SLC25A17: variants seen among roughly 807,000 people sequenced by gnomAD.
SLC25A17 encodes the protein solute carrier family 25 member 17, also known as peroxisomal membrane protein PMP34.
Under a neutral mutation model 38.5 loss-of-function variants are expected in SLC25A17, and 26 were observed. That is an observed-to-expected ratio of 0.68 (90% CI 0.50 to 0.94). The LOEUF is 0.94. SLC25A17 is among the 40% of genes least tolerant of loss of function. The pLI is 0.00. For missense variants in SLC25A17, 333 were observed against 372.7 expected, an observed-to-expected ratio of 0.89 and a Z score of 0.88; for synonymous variants, 139 against 136.2, an observed-to-expected ratio of 1.02 and a Z score of -0.14.
At position 40,805,059 on chromosome 22, in the gene SLC25A17, G is replaced by C. The variant is rs147105220; in HGVS notation, c.55-5976C>G. ...GTTCTGAACAAAGCATTATTGGCTG[G>C]GAGCAGTGGCTCACGCCTGTAATCC... On this transcript the variant is annotated intron_variant, in intron 1 of 8. Transcript: ENST00000435456. Among the ~76,000 whole-genome samples the C allele has an allele frequency of 2.7e-4, 41 of 152,346 alleles. No individual in the cohort carries two copies. In the Middle Eastern group the frequency reaches 0.01, roughly 38 times the overall value.
At chr22:40,793,920 A>G (rs2057405402) in intron 3 of SLC25A17, among the ~76,000 whole-genome samples, 1 of 152,192 alleles carries the variant, frequency 6.6e-6, no homozygotes, top group Admixed American at 6.5e-5. Context: ...TGTCAGTGTC[A>G]TGGGGCTAAA....
In SLC25A17 at chr22:40,799,078, G is replaced by T. The variant is rs117487309; in HGVS notation, c.60C>A (p.Ser20Arg). 1 of 1,612,004 alleles carries T rather than the reference G, an allele frequency of 6.2e-7. No individual in the cohort carries two copies. Among genetic ancestry groups the T allele is most frequent in the African/African-American group, 1.3e-5 (1 of 74,800 alleles). Residue 20 changes from serine to arginine, a missense_variant, in exon 2 of 9, where the codon AGC (serine) becomes AGA (arginine). Transcript: ENST00000435456. Reference sequence around the variant, plus strand: ...GAAAAAACACTGTCATTGCTGTCACGCTTCCCTGAAAAGTTTGAAAAAGGC... The same window carrying T: ...GAAAAAACACTGTCATTGCTGTCACTCTTCCCTGAAAAGTTTGAAAAAGGC... ...LVHAVAGAVGSVTAMTVFFPL... is the reference protein window; with the variant it reads ...LVHAVAGAVGRVTAMTVFFPL...
Position 40,790,290 on chromosome 22 carries a change from A to C in SLC25A17, c.334+2235T>G, listed in dbSNP as rs563261067. Among the ~76,000 whole-genome samples, 5 of 148,988 alleles carry C rather than the reference A, an allele frequency of 3.4e-5. No individual in the cohort carries two copies. In the East Asian group the frequency reaches 9.8e-4, roughly 29 times the overall value. ...CAGGAGGTGGAGGTTGCAGCAATCC[A>C]AGATTATGCCACTGCACTCCAGCCT... On this transcript the variant is annotated intron_variant, in intron 4 of 8. Coordinates refer to ENST00000435456, the MANE Select transcript of SLC25A17 (RefSeq NM_006358.4).
intron 4 of SLC25A17, among the ~76,000 whole-genome samples, chr22:40,786,373 G>A (rs998224779): frequency 1.3e-5 from 2 of 152,022 alleles, no homozygotes; most frequent in Admixed American, 1.3e-4. Flanking sequence ...GATGGTGGCT[G>A]GGACTGAGGT....
At position 40,779,046 on chromosome 22, in the gene SLC25A17, A is replaced by C. The variant is rs779021772; in HGVS notation, c.414T>G (p.Asn138Lys). 7.4e-6 allele frequency: 12 copies of C among 1,614,100 alleles called. No homozygotes were observed. Reference sequence around the variant, plus strand: ...TGTAGTTTGTTGGTACAATGTCTTCATTCCTAAATTTTGCTCCTTGAAGCT... The same window carrying C: ...TGTAGTTTGTTGGTACAATGTCTTCCTTCCTAAATTTTGCTCCTTGAAGCT... ...RLKLQGAKFRNEDIVPTNYKG... is the reference protein window; with the variant it reads ...RLKLQGAKFRKEDIVPTNYKG... The change falls in exon 5 of 9, where the codon AAT becomes AAG. Residue 138 changes from asparagine to lysine, a missense_variant. Physicochemically the swap from Asn to Lys is moderately conservative, Grantham distance 94. Transcript: ENST00000435456.
chr22:40,786,768 G>C (rs2057342194), intron 4 of SLC25A17, among the ~76,000 whole-genome samples: 1 of 152,226 alleles, frequency 6.6e-6, no homozygotes, highest in Non-Finnish European at 1.5e-5. Context: ...AGAAAGGTTT[G>C]CTCATGGATT....
In SLC25A17 at chr22:40,775,644, T is replaced by C. The variant is rs984204354; in HGVS notation, c.693+1396A>G. ...GCGCCCGGCTAATTTTTTGTATTTT[T>C]AGTAGAGACGGGGTTTCACCTTGTT... On this transcript the variant is annotated intron_variant, in intron 7 of 8. Transcript: ENST00000435456. 2.0e-5 allele frequency among the ~76,000 whole-genome samples: 3 copies of C among 151,162 alleles called. No individual in the cohort carries two copies. The East Asian group carries it at 5.8e-4, about 29-fold the overall frequency.
At chr22:40,812,065 CTT>C (rs1404000861) in intron 1 of SLC25A17, among the ~76,000 whole-genome samples, 2 of 150,136 alleles carry the variant, frequency 1.3e-5, no homozygotes, top group Non-Finnish European at 3.0e-5. Context: ...TTCTTTTTAA[CTT>C]ATTTATTTTT....
intron 1 of SLC25A17, among the ~76,000 whole-genome samples, chr22:40,816,398 T>G (rs966943542): frequency 6.6e-6 from 1 of 152,098 alleles, no homozygotes; most frequent in Admixed American, 6.6e-5. Context: ...AGTATTTTAT[T>G]GGAACACAGC....
At chr22:40,778,986 G>A (rs906752482) in intron 5 of SLC25A17, 23 bp downstream of exon 5, 4 of 1,582,288 alleles carry the variant, frequency 2.5e-6, no homozygotes, top group Non-Finnish European at 3.5e-6. Flanking sequence ...CCTTAAATAG[G>A]AATTCAGCAA....
chr22:40,811,102 T>C (rs996771007), intron 1 of SLC25A17, among the ~76,000 whole-genome samples: 1 of 152,112 alleles, frequency 6.6e-6, no homozygotes, highest in African/African-American at 2.4e-5. Context: ...AGCTAATTTT[T>C]GTATTTTTTG....
At chr22:40,805,925 C>CA (rs1292679757) in intron 1 of SLC25A17, among the ~76,000 whole-genome samples, 1 of 152,176 alleles carries the variant, frequency 6.6e-6, no homozygotes, top group African/African-American at 2.4e-5. Flanking sequence ...TGGACACAAA[C>CA]ACTGGGAAGC....
intron 1 of SLC25A17, among the ~76,000 whole-genome samples, chr22:40,814,512 C>T (rs77522261): frequency 2.4e-3 from 355 of 146,948 alleles, no homozygotes; most frequent in Non-Finnish European, 4.4e-3. Context: ...GACTGACTAC[C>T]TAGTGAATGA....
chr22:40,791,340 C>A (rs1485712470), intron 4 of SLC25A17, among the ~76,000 whole-genome samples: 5 of 152,120 alleles, frequency 3.3e-5, no homozygotes, highest in Non-Finnish European at 5.9e-5. Context: ...CCACCAGCCT[C>A]CATCCTGAAG....
At chr22:40,800,396 A>C (rs2057470367) in intron 1 of SLC25A17, among the ~76,000 whole-genome samples, 1 of 152,160 alleles carries the variant, frequency 6.6e-6, no homozygotes, top group Non-Finnish European at 1.5e-5. Flanking sequence ...AAATTAACTA[A>C]TTAATTAGTT....
intron 1 of SLC25A17, among the ~76,000 whole-genome samples, chr22:40,800,321 A>C (rs1292472436): frequency 6.6e-6 from 1 of 152,198 alleles, no homozygotes; most frequent in Non-Finnish European, 1.5e-5. Flanking sequence ...ATGCATACCC[A>C]CTGGTATAGA....
chr22:40,805,900 C>G (rs1423094483), intron 1 of SLC25A17, among the ~76,000 whole-genome samples: 1 of 152,214 alleles, frequency 6.6e-6, no homozygotes, highest in East Asian at 1.9e-4. Flanking sequence ...AGCCGGATTA[C>G]TATTACGCAA....
intron 1 of SLC25A17, chr22:40,817,392 A>C (rs2057652417): frequency 6.6e-6 from 1 of 152,226 alleles, no homozygotes; most frequent in Non-Finnish European, 1.5e-5. Context: ...TCCAAGACTC[A>C]GTCATTGAGA....
intron 4 of SLC25A17, among the ~76,000 whole-genome samples, chr22:40,787,496 C>G (rs941014526): frequency 1.3e-5 from 2 of 152,112 alleles, no homozygotes; most frequent in Admixed American, 6.6e-5. Flanking sequence ...CAGTCAAGAT[C>G]AGTAAAGATC....
Sources: gnomAD v4.1 joint callset for allele counts (sites outside exome capture counted in the v4.1 genomes callset) on GRCh38, gnomAD v4.1.1 for gene constraint, MANE v1.5 for transcripts, NCBI Gene and HGNC (gene_info 2026-07-23, HGNC 2026-07-21) for gene names.